The following SLC28A1 variants were observed in gnomAD, a reference collection of about 807,000 sequenced individuals.
SLC28A1 encodes the protein solute carrier family 28 member 1.
SLC28A1 carries 64 observed loss-of-function variants against 74.8 expected under a neutral mutation model. That is an observed-to-expected ratio of 0.86 (90% confidence interval 0.70 to 1.05). The LOEUF (loss-of-function observed/expected upper bound fraction) is 1.05. Ranked by LOEUF, SLC28A1 falls within the 50% of genes least tolerant of loss-of-function variation. The pLI, the probability that SLC28A1 is intolerant of heterozygous loss-of-function variation, is 0.00. For missense variants in SLC28A1, 828 were observed against 822.8 expected (o/e 1.01, Z -0.08); for synonymous variants, 359 against 335.0 (o/e 1.07, Z -0.78).
rs752547549 is a variant in SLC28A1, at chr15:84,943,461, T to A, written c.1598T>A (p.Leu533His). The A allele has an allele frequency of 6.2e-7, 1 of 1,613,996 alleles. No homozygotes were observed. The highest frequency in any genetic ancestry group is 8.5e-7 in the Non-Finnish European group (1 of 1,179,860). Residue 533 changes from leucine to histidine, a missense_variant, in exon 16 of 19, where the codon CTC becomes CAC. Leu to His is a moderately conservative substitution (Grantham distance 99). Around this residue, in one of 3 missense-constraint regions of SLC28A1, gnomAD observed 767 missense variants for 753.5 expected, o/e 1.02. Transcript: ENST00000394573. ...KQWISVRAEV[L>H]TTFALCGFAN... ...TATTTTCAGGTCAGAGCTGAAGTCC[T>A]CACGACGTTTGCCCTCTGTGGATTT...
chr15:84,885,731 CAA>C (rs34688568), intron 1 of SLC28A1, among the ~76,000 whole-genome samples: 16 of 104,348 alleles, frequency 1.5e-4, no homozygotes, highest in Admixed American at 3.2e-4. Context: ...AACTCCGTCT[CAA>C]AAAAAAAAAA....
At chr15:84,886,111 G>A (rs372428441) in intron 1 of SLC28A1, 51 of 984,470 alleles carry the variant, frequency 5.2e-5, no homozygotes, top group Non-Finnish European at 6.0e-5. Context: ...TCAGCCCTTC[G>A]CTTTGCACAC....
chr15:84,911,049 G>C (rs977347712), intron 9 of SLC28A1, among the ~76,000 whole-genome samples: 1 of 152,218 alleles, frequency 6.6e-6, no homozygotes, highest in African/African-American at 2.4e-5. Context: ...GTTTCCCAAA[G>C]GGAAATTAAA....
intron 12 of SLC28A1, among the ~76,000 whole-genome samples, chr15:84,929,047 AAC>A (rs1970976583): frequency 6.6e-6 from 1 of 152,194 alleles, no homozygotes; most frequent in African/African-American, 2.4e-5. Context: ...GTAGCCACCA[AAC>A]ACACATAGCT....
chr15:84,974,136 A>G, the SLC28A1 span, among the ~76,000 whole-genome samples: 1 of 152,240 alleles, frequency 6.6e-6, no homozygotes, highest in Non-Finnish European at 1.5e-5. Context: ...GTGATTCACG[A>G]TCGTTGCGGC....
In SLC28A1 at chr15:84,917,027, C is replaced by CAA. The variant is rs71466062; in HGVS notation, c.796-1485_796-1484dup. ...TGGGCAACAGAGTGAGATTCTGTCTCAAAAAAAAAAAAATAAATAAAAAAG... is the reference window on the plus strand; with the variant it reads ...TGGGCAACAGAGTGAGATTCTGTCTCAAAAAAAAAAAAAAATAAATAAAAAAG... On this transcript the variant is annotated intron_variant, in intron 9 of 18. Transcript: ENST00000394573. 7.2e-4 allele frequency among the ~76,000 whole-genome samples: 20 copies of CAA among 27,670 alleles called. 1 individual carries two copies. Among genetic ancestry groups the CAA allele is most frequent in the African/African-American group, 1.6e-3 (19 of 11,774 alleles). The allele number at this position is 27,670 out of a possible 152,430, so 18.2% of individuals were successfully genotyped here.
Position 84,918,640 on chromosome 15 carries a change from G to A in SLC28A1, c.876+36G>A, listed in dbSNP as rs17222372. On this transcript the variant is annotated intron_variant, in intron 10 of 18. Coordinates refer to ENST00000394573, the MANE Select transcript of SLC28A1 (RefSeq NM_004213.5). The stretch of plus-strand genomic sequence containing the variant: ...AGTGCCCATGGCCAGGGCTCTCCCA[G>A]AGTCACCAGCTCACAGGGTTCACAC... 96 of 1,493,074 alleles carry A rather than the reference G, an allele frequency of 6.4e-5. No individual in the cohort carries two copies. In the East Asian group the frequency reaches 2.2e-3, roughly 34 times the overall value. 92.5% of individuals were successfully genotyped at this position (1,493,074 alleles called of 1,614,324 possible). A position where few individuals can be genotyped will look rare whatever the true frequency, so the allele number is the denominator to read the frequency against.
chr15:84,926,209 T>C (rs1850827522), intron 12 of SLC28A1, among the ~76,000 whole-genome samples: 1 of 151,858 alleles, frequency 6.6e-6, no homozygotes. Context: ...CATGTATTTA[T>C]ATAGAGAGAG....
At chr15:84,906,290 G>A (rs1967098039) in intron 8 of SLC28A1, among the ~76,000 whole-genome samples, 1 of 151,778 alleles carries the variant, frequency 6.6e-6, no homozygotes, top group South Asian at 2.1e-4. Context: ...AAAGTGCTGG[G>A]ATTACAGGTG....
chr15:84,907,961 C>T (rs772911606), intron 8 of SLC28A1, among the ~76,000 whole-genome samples: 65 of 152,136 alleles, frequency 4.3e-4, no homozygotes, highest in Non-Finnish European at 9.0e-4. Context: ...CCTGCAGTCA[C>T]ATTGCAAGTT....
the SLC28A1 span, among the ~76,000 whole-genome samples, chr15:84,955,049 C>A: frequency 6.6e-6 from 1 of 152,194 alleles, no homozygotes; most frequent in African/African-American, 2.4e-5. Context: ...GGCTGCCACG[C>A]TGTGAGGAAC....
chr15:84,925,676 G>A (rs1210531322), intron 12 of SLC28A1, among the ~76,000 whole-genome samples: 1 of 152,048 alleles, frequency 6.6e-6, no homozygotes, highest in Non-Finnish European at 1.5e-5. Flanking sequence ...TCTGATGCCC[G>A]CCCAATTTGA....
chr15:84,923,737 G>GA (rs1352925689), intron 11 of SLC28A1, among the ~76,000 whole-genome samples: 2 of 152,140 alleles, frequency 1.3e-5, no homozygotes, highest in African/African-American at 4.8e-5. Flanking sequence ...GCTTAGCGGG[G>GA]TGCCTGGCAC....
chr15:84,961,331 ATTT>A, the SLC28A1 span, among the ~76,000 whole-genome samples: 2 of 139,534 alleles, frequency 1.4e-5, no homozygotes, highest in African/African-American at 2.6e-5. Flanking sequence ...GTGAGAGAGA[ATTT>A]TTTTTTTTTT....
At chr15:84,930,793 G>A (rs1971179530) in intron 12 of SLC28A1, among the ~76,000 whole-genome samples, 1 of 149,120 alleles carries the variant, frequency 6.7e-6, no homozygotes, top group Non-Finnish European at 1.5e-5. Flanking sequence ...TTTTTGAGAT[G>A]GAGTCTCGCA....
In SLC28A1 at chr15:84,918,397, A is replaced by T. The variant is rs1969394709; in HGVS notation, c.796-127A>T. On this transcript the variant is annotated intron_variant, in intron 9 of 18. Transcript: ENST00000394573. ...CACTGATCTCAGAGCATCTTCCCGG[A>T]TCCTGTCAGGCATCTGAGTGGCAAG... The T allele has an allele frequency of 5.2e-6, 4 of 774,394 alleles. No individual in the cohort carries two copies. In the Admixed American group the frequency reaches 5.2e-5, roughly 10 times the overall value. 48.0% of individuals were successfully genotyped at this position (774,394 alleles called of 1,614,324 possible).
At position 84,930,228 on chromosome 15, in the gene SLC28A1, G is replaced by GA. The variant is rs551480062; in HGVS notation, c.1084-2913dup. On this transcript the variant is annotated intron_variant, in intron 12 of 18. Coordinates refer to ENST00000394573, the MANE Select transcript of SLC28A1 (RefSeq NM_004213.5). ...GGGTCAGGGTCCTGCCTGGTGGAGG[G>GA]AAAATCCCAAGATTCCAGGTGTGGC... Among the ~76,000 whole-genome samples, 183 of 152,364 alleles carry GA rather than the reference G, an allele frequency of 1.2e-3. 1 individual carries two copies. Among genetic ancestry groups the GA allele is most frequent in the Admixed American group, 2.0e-3 (31 of 15,308 alleles).
chr15:84,920,037 AG>A (rs1969612275), intron 10 of SLC28A1, among the ~76,000 whole-genome samples: 1 of 152,336 alleles, frequency 6.6e-6, no homozygotes, highest in South Asian at 2.1e-4. Flanking sequence ...AGAGGAAGTT[AG>A]GGGAGGATAG....
At chr15:84,973,210 A>C in the SLC28A1 span, among the ~76,000 whole-genome samples, 5 of 151,690 alleles carry the variant, frequency 3.3e-5, no homozygotes, top group Non-Finnish European at 7.4e-5. Flanking sequence ...ACTTTCTTTT[A>C]CCTCTGCCTG....
Sources: gnomAD v4.1 joint callset for allele counts (sites outside exome capture counted in the v4.1 genomes callset) on GRCh38, gnomAD v4.1.1 for gene constraint, gnomAD v4.1.1 regional missense constraint, MANE v1.5 for transcripts, NCBI Gene and HGNC (gene_info 2026-07-23, HGNC 2026-07-21) for gene names.